Variants in AGBL3 observed in about 807,000 individuals in gnomAD.
The protein encoded by AGBL3 is AGBL carboxypeptidase 3.
In AGBL3, 68 loss-of-function variants were observed where a neutral mutation model predicts 94.5. The observed-to-expected ratio is 0.72, with a 90% CI of 0.59 to 0.88. The LOEUF is 0.88. Among genes scored for constraint, AGBL3 ranks in the 40% least tolerant of loss-of-function variants. AGBL3 has a pLI of 0.00. For missense variants in AGBL3, 934 were observed against 1,103.8 expected, an observed-to-expected ratio of 0.85 and a Z score of 2.18; for synonymous variants, 354 against 370.7, an observed-to-expected ratio of 0.95 and a Z score of 0.52.
chr7:135,013,004 C>A (rs1584827237), intron 4 of AGBL3, among the ~76,000 whole-genome samples: 1 of 152,094 alleles, frequency 6.6e-6, no homozygotes, highest in Non-Finnish European at 1.5e-5. Flanking sequence ...AGGAAAGCCA[C>A]AGTCTATAAA....
intron 15 of AGBL3, among the ~76,000 whole-genome samples, chr7:135,108,418 C>T (rs1282253117): frequency 6.6e-6 from 1 of 152,188 alleles, no homozygotes; most frequent in Non-Finnish European, 1.5e-5. Context: ...TGAACTCCCT[C>T]AGCATTGGCT....
At chr7:135,053,246 A>G (rs1399731991) in intron 11 of AGBL3, among the ~76,000 whole-genome samples, 3 of 152,294 alleles carry the variant, frequency 2.0e-5, no homozygotes, top group Admixed American at 6.5e-5. Context: ...TAAAAGGAAG[A>G]ACTCCCTAAT....
At chr7:135,042,917 CA>C (rs1817003058) in intron 8 of AGBL3, among the ~76,000 whole-genome samples, 1 of 151,840 alleles carries the variant, frequency 6.6e-6, no homozygotes, top group South Asian at 2.1e-4. Flanking sequence ...GTCTCAAAAA[CA>C]AAAACAAAAA....
chr7:135,029,335 T>C, intron 5 of AGBL3, among the ~76,000 whole-genome samples: 1 of 152,236 alleles, frequency 6.6e-6, no homozygotes, highest in East Asian at 1.9e-4. Context: ...GCCACCTTCA[T>C]CAATTATGTT....
At chr7:135,014,209 A>AAAAC (rs1216616278) in intron 4 of AGBL3, among the ~76,000 whole-genome samples, 2 of 150,594 alleles carry the variant, frequency 1.3e-5, no homozygotes, top group African/African-American at 4.9e-5. Context: ...AAAAAAAAAA[A>AAAAC]AAAAAAAAAA....
chr7:135,046,064 CATTAAGACTTT>C (rs1362032399), intron 11 of AGBL3, among the ~76,000 whole-genome samples, 153 bp downstream of exon 11: 1 of 152,138 alleles, frequency 6.6e-6, no homozygotes. Flanking sequence ...GGCCAGACTT[CATTAAGACTTT>C]ATTATTTTAT....
At chr7:135,055,333 T>C (rs935510440) in intron 11 of AGBL3, among the ~76,000 whole-genome samples, 8 of 152,218 alleles carry the variant, frequency 5.3e-5, no homozygotes, top group Admixed American at 4.6e-4. Context: ...AGAAGTGCTA[T>C]GAGAAGACAT....
chr7:135,114,010 G>A (rs1458525151), intron 15 of AGBL3, among the ~76,000 whole-genome samples: 5 of 152,158 alleles, frequency 3.3e-5, no homozygotes, highest in African/African-American at 1.2e-4. Flanking sequence ...AGGTTTATCA[G>A]TATTGTAGCA....
chr7:135,094,897 G>A (rs1822426438), intron 15 of AGBL3, among the ~76,000 whole-genome samples: 1 of 152,192 alleles, frequency 6.6e-6, no homozygotes, highest in South Asian at 2.1e-4. Context: ...CAGCTGGCAA[G>A]GAAAAATTAT....
chr7:135,061,399 A>G (rs910880242), intron 12 of AGBL3, among the ~76,000 whole-genome samples: 2 of 152,054 alleles, frequency 1.3e-5, no homozygotes, highest in Non-Finnish European at 2.9e-5. Flanking sequence ...ATGTAATCCC[A>G]TGTATCTGCT....
chr7:135,105,755 A>AT (rs1391030516), intron 15 of AGBL3, among the ~76,000 whole-genome samples: 1 of 151,984 alleles, frequency 6.6e-6, no homozygotes, highest in Non-Finnish European at 1.5e-5. Context: ...TTTTACAATA[A>AT]TTTTTTCTGG....
intron 16 of AGBL3, among the ~76,000 whole-genome samples, chr7:135,125,587 C>CA (rs1470537779): frequency 1.3e-5 from 2 of 151,650 alleles, no homozygotes; most frequent in Non-Finnish European, 2.9e-5. Flanking sequence ...AGAGACACAA[C>CA]AAAAAAAAGA....
intron 16 of AGBL3, among the ~76,000 whole-genome samples, chr7:135,132,416 C>G (rs1828891818): frequency 6.6e-6 from 1 of 152,130 alleles, no homozygotes; most frequent in African/African-American, 2.4e-5. Context: ...AGAAAAATCA[C>G]AAGATCCTAT....
intron 4 of AGBL3, among the ~76,000 whole-genome samples, chr7:135,007,680 G>A (rs906682563): frequency 6.6e-6 from 1 of 151,874 alleles, no homozygotes; most frequent in Non-Finnish European, 1.5e-5. Context: ...TAGACAGAAA[G>A]AGAAGTTTAA....
intron 4 of AGBL3, among the ~76,000 whole-genome samples, chr7:135,016,554 C>T (rs1421638527): frequency 6.6e-6 from 1 of 151,952 alleles, no homozygotes; most frequent in African/African-American, 2.4e-5. Flanking sequence ...GAAATTTGAT[C>T]CTAAAAAGAA....
chr7:135,049,456 T>C (rs1479349543), intron 11 of AGBL3, among the ~76,000 whole-genome samples: 2 of 151,996 alleles, frequency 1.3e-5, no homozygotes, highest in African/African-American at 2.4e-5. Context: ...AATTGAAAGT[T>C]CACTCTCCTT....
chr7:135,010,095 C>A (rs1812932385), intron 4 of AGBL3: 1 of 418,830 alleles, frequency 2.4e-6, no homozygotes, highest in Non-Finnish European at 4.6e-6. Context: ...GTGGTGCGAT[C>A]TCGGCTCACT....
rs1218613351 is a variant in AGBL3, at chr7:135,115,283, G to A, written c.2111-97G>A. ...TAAAGTACAAGCTTCAGATGGGCAAGGAATTTTAGATAAAATCCTTGGCAT... is the reference window on the plus strand; with the variant it reads ...TAAAGTACAAGCTTCAGATGGGCAAAGAATTTTAGATAAAATCCTTGGCAT... On this transcript the variant is annotated intron_variant, in intron 15 of 16. Coordinates refer to ENST00000436302, the MANE Select transcript of AGBL3 (RefSeq NM_178563.4). The A allele has an allele frequency of 3.4e-5, 26 of 764,626 alleles. No individual in the cohort carries two copies. The East Asian group carries it at 7.1e-4, about 21-fold the overall frequency. 47.4% of individuals were successfully genotyped at this position (764,626 alleles called of 1,614,324 possible).
intron 15 of AGBL3, chr7:135,094,559 G>A: frequency 2.2e-6 from 1 of 456,480 alleles, no homozygotes; most frequent in Non-Finnish European, 4.4e-6. Context: ...TTCTCATAGA[G>A]CCAAGAAAGA....
Sources: gnomAD v4.1 joint callset for allele counts (sites outside exome capture counted in the v4.1 genomes callset) on GRCh38, gnomAD v4.1.1 for gene constraint, MANE v1.5 for transcripts, NCBI Gene and HGNC (gene_info 2026-07-23, HGNC 2026-07-21) for gene names.